RFX6: variants seen among roughly 807,000 people sequenced by gnomAD.
The protein encoded by RFX6 is DNA-binding protein RFX6.
RFX6 carries 50 observed loss-of-function variants against 110.8 expected under a neutral mutation model. The ratio of observed to expected loss-of-function variants is 0.45; its 90% CI spans 0.36 to 0.57. RFX6 has a LOEUF of 0.57. Ranked by LOEUF, RFX6 falls within the 20% of genes least tolerant of loss-of-function variation. The pLI is 0.00. For synonymous variants in RFX6, 383 were observed against 411.2 expected, an observed-to-expected ratio of 0.93 and a Z score of 0.83; for missense variants, 990 against 1,127.0, an observed-to-expected ratio of 0.88 and a Z score of 1.74.
intron 10 of RFX6, 50 bp from the exon 11 acceptor site, chr6:116,919,087 T>G (rs768641819): frequency 6.7e-7 from 1 of 1,498,274 alleles, no homozygotes; most frequent in Non-Finnish European, 9.3e-7. Context: ...ATATGATTGT[T>G]TAATGCATTT....
chr6:116,889,800 T>C (rs1774780756), intron 4 of RFX6, among the ~76,000 whole-genome samples: 1 of 152,172 alleles, frequency 6.6e-6, no homozygotes, highest in South Asian at 2.1e-4. Context: ...AAGTATATGA[T>C]ATTATATGAA....
rs1429787777 is a variant in RFX6, at chr6:116,894,195, C to T, written c.644+131C>T. ...TTTAAGCATCAGACCTTAATGTCCG[C>T]TTTGTATGGATGATTATATAATCTA... On this transcript the variant is annotated intron_variant, in intron 5 of 18. Transcript: ENST00000332958. 7.8e-5 allele frequency: 54 copies of T among 691,438 alleles called. 1 individual carries two copies. The East Asian group carries it at 1.3e-3, about 16-fold the overall frequency. The allele number at this position is 691,438 out of a possible 1,614,324, so 42.8% of individuals were successfully genotyped here.
intron 1 of RFX6, 62 bp from the exon 2 acceptor site, chr6:116,877,734 A>G (rs554162613): frequency 1.3e-6 from 2 of 1,555,098 alleles, no homozygotes; most frequent in Non-Finnish European, 1.8e-6. Context: ...AGGTACACTT[A>G]AAGGCGACTT....
chr6:116,883,064 C>T (rs949993772), intron 4 of RFX6, among the ~76,000 whole-genome samples: 1 of 152,130 alleles, frequency 6.6e-6, no homozygotes, highest in Non-Finnish European at 1.5e-5. Flanking sequence ...TCCTTTCCTT[C>T]TGCCTATGAG....
chr6:116,891,093 G>A (rs546729184), intron 4 of RFX6, among the ~76,000 whole-genome samples: 1 of 152,262 alleles, frequency 6.6e-6, no homozygotes, highest in African/African-American at 2.4e-5. Context: ...CCTCAGTGCT[G>A]GTCAGTGTAG....
intron 3 of RFX6, 129 bp downstream of exon 3, chr6:116,880,796 T>C: frequency 1.0e-6 from 1 of 962,774 alleles, no homozygotes; most frequent in Non-Finnish European, 1.6e-6. Flanking sequence ...GCATAAATTG[T>C]CTTAAGGACT....
At chr6:116,896,975 A>G (rs1041142124) in intron 6 of RFX6, among the ~76,000 whole-genome samples, 2 of 152,156 alleles carry the variant, frequency 1.3e-5, no homozygotes, top group Non-Finnish European at 2.9e-5. Flanking sequence ...CAAAATGGTG[A>G]ATGAAGAGAT....
intron 4 of RFX6, among the ~76,000 whole-genome samples, chr6:116,892,249 C>T (rs1447746662): frequency 6.6e-6 from 1 of 152,238 alleles, no homozygotes; most frequent in Non-Finnish European, 1.5e-5. Flanking sequence ...CTGCCCTTAG[C>T]ACCTGAGAAG....
At chr6:116,923,403 T>G (rs1775644355) in intron 14 of RFX6, 179 bp downstream of exon 14, 1 of 600,120 alleles carries the variant, frequency 1.7e-6, no homozygotes, top group Non-Finnish European at 3.0e-6. Flanking sequence ...ATAAGCAGGA[T>G]TAAATCCTAA....
chr6:116,902,536 A>T (rs1485147059), intron 6 of RFX6, among the ~76,000 whole-genome samples: 2 of 152,098 alleles, frequency 1.3e-5, no homozygotes. Flanking sequence ...ATTCACAGGA[A>T]TAAAACAAAT....
At chr6:116,903,666 A>T (rs560682659) in intron 6 of RFX6, among the ~76,000 whole-genome samples, 1 of 151,130 alleles carries the variant, frequency 6.6e-6, no homozygotes, top group African/African-American at 2.4e-5. Flanking sequence ...CATATTGTTT[A>T]TTATTTGCCC....
rs1189790079 is a variant in RFX6, at chr6:116,931,373, G to A, written c.2654G>A (p.Cys885Tyr). ...CCAATTCCTTCTTCCTCATCCCAAT[G>A]TATGTATGGAACTTCCAACCAGTAT... ...QTPIPSSSSQCMYGTSNQYPA... is the reference protein window; with the variant it reads ...QTPIPSSSSQYMYGTSNQYPA... Residue 885 changes from cysteine to tyrosine, a missense_variant, in exon 19 of 19, where the codon TGT (cysteine) becomes TAT (tyrosine). By Grantham distance (194) the Cys-to-Tyr change is radical. Around this residue, in one of 5 missense-constraint regions of RFX6, gnomAD observed 438 missense variants for 441.9 expected, o/e 0.99. Transcript: ENST00000332958. The A allele has an allele frequency of 1.2e-6, 2 of 1,613,176 alleles. No homozygotes were observed. The highest frequency in any genetic ancestry group is 1.3e-5 in the African/African-American group (1 of 74,856).
Position 116,928,966 on chromosome 6 carries a change from T to G in RFX6, c.2606T>G (p.Val869Gly). 1 of 1,596,842 alleles carries G rather than the reference T, an allele frequency of 6.3e-7. No individual in the cohort carries two copies. ...TCTCCAGTTGCATGTCGAACTCCAGTCCTAGGTAAATTATTTTAGCAGTTC... is the reference window on the plus strand; with the variant it reads ...TCTCCAGTTGCATGTCGAACTCCAGGCCTAGGTAAATTATTTTAGCAGTTC... Reference protein sequence around the residue: ...TSSPVACRTPVLASSLQTPIP... With the variant: ...TSSPVACRTPGLASSLQTPIP... The change falls in exon 18 of 19, where the codon GTC (valine) becomes GGC (glycine). Residue 869 changes from valine (V) to glycine (G), a missense_variant. Val to Gly is a moderately radical substitution (Grantham distance 109). Transcript: ENST00000332958.
chr6:116,928,822 A>G lies in RFX6; in HGVS notation c.2462A>G (p.His821Arg). 6.2e-7 allele frequency: 1 copy of G among 1,614,104 alleles called. No homozygotes were observed. Among genetic ancestry groups the G allele is most frequent in the Middle Eastern group, 1.6e-4 (1 of 6,062 alleles). ...SHRLGSMVNQHVSVISSIRSL... is the reference protein window; with the variant it reads ...SHRLGSMVNQRVSVISSIRSL... The stretch of plus-strand genomic sequence containing the variant: ...AGGCTCGGATCAATGGTGAATCAGC[A>G]CGTTTCTGTCATCAGCAGCATTCGT... The change falls in exon 18 of 19, where the codon CAC (histidine) becomes CGC (arginine). Residue 821 changes from histidine to arginine, a missense_variant. This residue lies in a region of RFX6 where 438 missense variants were observed against 441.9 expected (regional missense o/e 0.99). Coordinates refer to ENST00000332958, the MANE Select transcript of RFX6 (RefSeq NM_173560.4).
chr6:116,914,216 A>G (rs535986889), intron 7 of RFX6, among the ~76,000 whole-genome samples: 1 of 152,236 alleles, frequency 6.6e-6, no homozygotes, highest in South Asian at 2.1e-4. Context: ...TCTACTTAAC[A>G]TAATGCCCTC....
intron 10 of RFX6, among the ~76,000 whole-genome samples, chr6:116,918,441 A>G (rs1775520508): frequency 6.6e-6 from 1 of 152,080 alleles, no homozygotes; most frequent in African/African-American, 2.4e-5. Flanking sequence ...ATTGTATTTT[A>G]TTATTAACTT....
chr6:116,925,609 C>T lies in RFX6; in HGVS notation c.1835C>T (p.Pro612Leu). Residue 612 changes from proline to leucine, a missense_variant, in exon 16 of 19, where the codon CCT becomes CTT. Coordinates refer to ENST00000332958, the MANE Select transcript of RFX6 (RefSeq NM_173560.4). The part of the protein sequence containing the change: ...LPSSQPGGLG[P>L]ALHQFPAGNT... Reference sequence around the variant, plus strand: ...TCCAGTCAACCTGGAGGCCTAGGCCCTGCTCTGCACCAGTTCCCTGCTGGG... The same window carrying T: ...TCCAGTCAACCTGGAGGCCTAGGCCTTGCTCTGCACCAGTTCCCTGCTGGG... The T allele has an allele frequency of 6.2e-7, 1 of 1,614,088 alleles. No homozygotes were observed. Among genetic ancestry groups the T allele is most frequent in the Non-Finnish European group, 8.5e-7 (1 of 1,179,938 alleles).
At chr6:116,909,488 T>C (rs1775284021) in intron 6 of RFX6, among the ~76,000 whole-genome samples, 1 of 152,002 alleles carries the variant, frequency 6.6e-6, no homozygotes, top group East Asian at 1.9e-4. Flanking sequence ...GCAATGATAA[T>C]TGGTGCTCAT....
rs771537572 is a variant in RFX6, at chr6:116,927,327, C to G, written c.2186C>G (p.Ala729Gly). The change falls in exon 17 of 19, where the codon GCT becomes GGT. Residue 729 changes from alanine (A) to glycine (G), a missense_variant. Physicochemically the swap from Ala to Gly is moderately conservative, Grantham distance 60 (BLOSUM62 0). Transcript: ENST00000332958. ...CACACCGAGCATGGTCGATGCATGG[C>G]TTGGACTGAACAGCAGCTTTCAAGA... is the stretch of plus-strand genomic sequence containing the variant. ...PHHTEHGRCM[A>G]WTEQQLSRDF... 1 of 1,614,176 alleles carries G rather than the reference C, an allele frequency of 6.2e-7. No individual in the cohort carries two copies. Among genetic ancestry groups the G allele is most frequent in the South Asian group, 1.1e-5 (1 of 91,082 alleles).
Sources: allele counts gnomAD v4.1 joint callset (sites outside exome capture counted in the v4.1 genomes callset), GRCh38; gene constraint gnomAD v4.1.1; regional missense constraint gnomAD v4.1.1; transcripts MANE v1.5; gene names NCBI Gene and HGNC (gene_info 2026-07-23, HGNC 2026-07-21).